C6orf132: variants seen among roughly 807,000 people sequenced by gnomAD.
C6orf132 encodes uncharacterized protein C6orf132.
C6orf132 carries 43 observed loss-of-function variants against 65.3 expected under a neutral mutation model. The observed-to-expected ratio is 0.66, with a 90% CI of 0.52 to 0.85. The LOEUF (loss-of-function observed/expected upper bound fraction) is 0.85, where lower values mean the gene tolerates loss of function less well. C6orf132 is among the 40% of genes least tolerant of loss of function. The probability of loss-of-function intolerance (pLI) is 0.00; values close to 1 mark genes in which losing one functional copy is unlikely to be tolerated. For synonymous variants in C6orf132, 631 were observed against 654.1 expected (o/e 0.96, Z 0.54); for missense variants, 1,488 against 1,548.8 (o/e 0.96, Z 0.66).
chr6:42,118,565 C>T (rs1054173400), intron 2 of C6orf132, among the ~76,000 whole-genome samples: 1 of 152,210 alleles, frequency 6.6e-6, no homozygotes, highest in African/African-American at 2.4e-5. Flanking sequence ...GCAGACCAAC[C>T]TGTGTACAGT....
In C6orf132 at chr6:42,104,968, T is replaced by C. The variant is rs764291728; in HGVS notation, c.2944A>G (p.Asn982Asp). The C allele has an allele frequency of 4.7e-6, 7 of 1,495,320 alleles. No individual in the cohort carries two copies. The African/African-American group carries it at 9.8e-5, about 21-fold the overall frequency. 92.6% of individuals were successfully genotyped at this position (1,495,320 alleles called of 1,614,324 possible). The change falls in exon 4 of 5, where the codon AAC becomes GAC. Residue 982 changes from asparagine (N) to aspartate (D), a missense_variant. By Grantham distance (23) the Asn-to-Asp change is conservative. Coordinates refer to ENST00000341865, the MANE Select transcript of C6orf132 (RefSeq NM_001164446.3). The surrounding 1 kb of genome is among the most constrained non-coding windows in gnomAD (Gnocchi z 4.1). ...GGCGGCGGTGGGATGACCTCGAAGT[T>C]GAACTCCTCCTCCTCCTCCTCCCTC... ...NKREEEEEEF[N>D]FEVIPPPPEF...
chr6:42,109,152 C>T (rs1428844679), intron 3 of C6orf132, among the ~76,000 whole-genome samples: 14 of 151,932 alleles, frequency 9.2e-5, no homozygotes, highest in African/African-American at 1.9e-4. Context: ...TAGGGCAGTC[C>T]GGCCGGGTGC....
rs928473391 is a variant in C6orf132, at chr6:42,105,452, A to G, written c.2460T>C (p.Thr820=). Residue 820 remains threonine, a synonymous_variant, in exon 4 of 5, where the codon ACT becomes ACC. Coordinates refer to ENST00000341865, the MANE Select transcript of C6orf132 (RefSeq NM_001164446.3). ...TCACCGGGTGCCTGAGGAGTTCATC[A>G]GTGGGCTGGGCCGAGGCAGGAGGCT... The part of the protein sequence containing the change: ...PAKPPASAQP[T]DELLRHPVTG... 6.5e-7 allele frequency: 1 copy of G among 1,534,586 alleles called. No homozygotes were observed. The highest frequency in any genetic ancestry group is 8.7e-7 in the Non-Finnish European group (1 of 1,145,778).
chr6:42,104,974 C>T lies in C6orf132; in HGVS notation c.2938G>A (p.Glu980Lys). The T allele has an allele frequency of 8.4e-7, 1 of 1,189,244 alleles. No homozygotes were observed. The highest frequency in any genetic ancestry group is 1.2e-6 in the Non-Finnish European group (1 of 866,338). The allele number at this position is 1,189,244 out of a possible 1,614,324, so 73.7% of individuals were successfully genotyped here. A position where few individuals can be genotyped will look rare whatever the true frequency, so the allele number is the denominator to read the frequency against. Residue 980 changes from glutamate (E) to lysine (K), a missense_variant, in exon 4 of 5, where the codon GAG (glutamate) becomes AAG (lysine). Transcript: ENST00000341865. The surrounding 1 kb of genome is among the most constrained non-coding windows in gnomAD (Gnocchi z 4.1). ...PSNKREEEEE[E>K]FNFEVIPPPP... ...GGTGGGATGACCTCGAAGTTGAACT[C>T]CTCCTCCTCCTCCTCCCTCTTGTTC...
chr6:42,106,569 G>C lies in C6orf132; in HGVS notation c.1343C>G (p.Pro448Arg). The C allele has an allele frequency of 4.6e-6, 7 of 1,536,206 alleles. No individual in the cohort carries two copies. The highest frequency in any genetic ancestry group is 3.3e-4 in the Middle Eastern group (2 of 5,990). ...SPALKPKPNPPSPENTASSAP... is the reference protein window; with the variant it reads ...SPALKPKPNPRSPENTASSAP... ...TGAAGACGCTGTGTTCTCTGGGCTG[G>C]GGGGGTTGGGTTTGGGTTTGAGAGC... Residue 448 changes from proline (P) to arginine (R), a missense_variant, in exon 4 of 5, where the codon CCC becomes CGC. Pro to Arg is a moderately radical substitution (Grantham distance 103). Coordinates refer to ENST00000341865, the MANE Select transcript of C6orf132 (RefSeq NM_001164446.3).
At chr6:42,130,114 G>T (rs1364471050) in intron 1 of C6orf132, among the ~76,000 whole-genome samples, 1 of 152,212 alleles carries the variant, frequency 6.6e-6, no homozygotes, top group East Asian at 1.9e-4. Context: ...CCCTCCCAAG[G>T]CAGGAAGCTG....
At position 42,103,502 on chromosome 6, in the gene C6orf132, C is replaced by T; in HGVS notation, c.*259G>A. 1 of 390,332 alleles carries T rather than the reference C, an allele frequency of 2.6e-6. No individual in the cohort carries two copies. The highest frequency in any genetic ancestry group is 4.5e-6 in the Non-Finnish European group (1 of 221,500). The allele number at this position is 390,332 out of a possible 1,614,324, so 24.2% of individuals were successfully genotyped here. ...TCAGCGCCCAGGTCCTTAATGGTTCCTTCTCTCTACCCTCCTTCCCCTCCC... is the reference window on the plus strand; with the variant it reads ...TCAGCGCCCAGGTCCTTAATGGTTCTTTCTCTCTACCCTCCTTCCCCTCCC... On this transcript the variant is annotated 3_prime_UTR_variant, in exon 5 of 5. Coordinates refer to ENST00000341865, the MANE Select transcript of C6orf132 (RefSeq NM_001164446.3).
intron 1 of C6orf132, among the ~76,000 whole-genome samples, chr6:42,140,254 A>T (rs1767011679): frequency 6.6e-6 from 1 of 152,248 alleles, no homozygotes; most frequent in Admixed American, 6.5e-5. Flanking sequence ...AGCTGGCTGG[A>T]GATGACAGGG....
chr6:42,136,207 G>A (rs1173635997), intron 1 of C6orf132, among the ~76,000 whole-genome samples: 1 of 150,434 alleles, frequency 6.6e-6, no homozygotes, highest in Non-Finnish European at 1.5e-5. Flanking sequence ...GGGAGGAAAT[G>A]GGCCTAGGAA....
At chr6:42,127,467 A>G (rs928578268) in intron 2 of C6orf132, among the ~76,000 whole-genome samples, 2 of 151,902 alleles carry the variant, frequency 1.3e-5, no homozygotes, top group Admixed American at 6.6e-5. Flanking sequence ...GACATAGCAG[A>G]AAAAAACCGG....
rs1395813193 is a variant in C6orf132, at chr6:42,105,211, C to A, written c.2701G>T (p.Glu901Ter). 1 of 1,537,080 alleles carries A rather than the reference C, an allele frequency of 6.5e-7. No homozygotes were observed. The highest frequency in any genetic ancestry group is 1.4e-5 in the African/African-American group (1 of 73,032). The change falls in exon 4 of 5, where the codon GAG becomes TAG. Residue 901 changes from glutamate to a stop codon, truncating the protein, a stop_gained. Transcript: ENST00000341865. LOFTEE classifies it high-confidence loss of function. Reference protein sequence around the residue: ...SFTVVPKLPKEAEKDSPLTTE... With the variant: ...SFTVVPKLPK ...GTCAGCGGGGAGTCCTTCTCAGCCT[C>A]CTTGGGTAACTTGGGCACCACAGTG...
intron 2 of C6orf132, chr6:42,126,824 CAACA>C (rs1261401522): frequency 2.6e-6 from 1 of 387,492 alleles, no homozygotes; most frequent in Non-Finnish European, 4.4e-6. Context: ...CCAGCCTGGG[CAACA>C]AGAATGAAAC....
chr6:42,135,580 C>T (rs1324543019), intron 1 of C6orf132, among the ~76,000 whole-genome samples: 1 of 152,212 alleles, frequency 6.6e-6, no homozygotes, highest in Non-Finnish European at 1.5e-5. Context: ...CCTCCCTCAG[C>T]CCCAAAGCTG....
At chr6:42,118,525 C>T (rs1766620617) in intron 2 of C6orf132, among the ~76,000 whole-genome samples, 1 of 152,200 alleles carries the variant, frequency 6.6e-6, no homozygotes, top group Non-Finnish European at 1.5e-5. Context: ...GTGCATGGCC[C>T]TCCGAGTGTG....
chr6:42,123,170 A>T (rs1766713317), intron 2 of C6orf132, among the ~76,000 whole-genome samples: 2 of 151,984 alleles, frequency 1.3e-5, no homozygotes, highest in South Asian at 4.1e-4. Flanking sequence ...TCATGAGGAC[A>T]GGAGATCGAG....
Position 42,104,755 on chromosome 6 carries a change from G to A in C6orf132, c.3157C>T (p.Arg1053Cys), listed in dbSNP as rs1012444857. The A allele has an allele frequency of 5.3e-6, 8 of 1,516,738 alleles. No homozygotes were observed. The African/African-American group carries it at 1.1e-4, about 21-fold the overall frequency. The allele number at this position is 1,516,738 out of a possible 1,614,324, so 94.0% of individuals were successfully genotyped here. ...AGCGAGCGGCCCCCTCCCGAGAAGC[G>A]CTCCAGGCCCCCAGCCCCGGCGTAG... ...ARYAGAGGLERFSGGGRSLIK... is the reference protein window; with the variant it reads ...ARYAGAGGLECFSGGGRSLIK... The change falls in exon 4 of 5, where the codon CGC becomes TGC. Residue 1053 changes from arginine (R) to cysteine (C), a missense_variant. By Grantham distance (180) the Arg-to-Cys change is radical. Coordinates refer to ENST00000341865, the MANE Select transcript of C6orf132 (RefSeq NM_001164446.3). The surrounding 1 kb of genome is among the most constrained non-coding windows in gnomAD (Gnocchi z 4.1).
At chr6:42,109,437 A>ATAAATAAG (rs1300650911) in intron 3 of C6orf132, among the ~76,000 whole-genome samples, 2 of 152,000 alleles carry the variant, frequency 1.3e-5, no homozygotes, top group African/African-American at 4.8e-5. Flanking sequence ...TCTCAAATAA[A>ATAAATAAG]TAAATAAATA....
At chr6:42,121,619 C>T (rs980666418) in intron 2 of C6orf132, among the ~76,000 whole-genome samples, 1 of 152,236 alleles carries the variant, frequency 6.6e-6, no homozygotes, top group African/African-American at 2.4e-5. Context: ...TCACCAGGGG[C>T]TGGGCCAGTG....
intron 2 of C6orf132, among the ~76,000 whole-genome samples, chr6:42,122,110 A>G (rs963832560): frequency 3.3e-5 from 5 of 152,192 alleles, no homozygotes; most frequent in East Asian, 3.9e-4. Context: ...ACACTGTGCC[A>G]CAGCTCAGAC....
Sources: gnomAD v4.1 joint callset for allele counts (sites outside exome capture counted in the v4.1 genomes callset) on GRCh38, gnomAD v4.1.1 for gene constraint, Gnocchi (gnomAD v3.1) non-coding constraint, MANE v1.5 for transcripts, NCBI Gene and HGNC (gene_info 2026-07-23, HGNC 2026-07-21) for gene names.